FN1: variants seen among roughly 807,000 people sequenced by gnomAD.
The protein encoded by FN1 is fibronectin.
Under a neutral mutation model 297.3 loss-of-function variants are expected in FN1, and 106 were observed. The ratio of observed to expected loss-of-function variants is 0.36; its 90% CI spans 0.30 to 0.42. The LOEUF is 0.42. Ranked by LOEUF, FN1 falls within the 10% of genes least tolerant of loss-of-function variation. The probability of loss-of-function intolerance (pLI) is 1.00; values close to 1 mark genes in which losing one functional copy is unlikely to be tolerated. For missense variants in FN1, 2,690 were observed against 3,124.9 expected (o/e 0.86, Z 3.32); for synonymous variants, 1,149 against 1,152.6 (o/e 1.00, Z 0.06).
chr2:215,416,887 A>G (rs1337940238), intron 12 of FN1, among the ~76,000 whole-genome samples: 4 of 152,222 alleles, frequency 2.6e-5, no homozygotes, highest in African/African-American at 2.4e-5. Context: ...TTTTGCTTTC[A>G]TAAGATTTCG....
chr2:215,400,217 G>A (rs920121080), intron 20 of FN1, among the ~76,000 whole-genome samples: 4 of 151,858 alleles, frequency 2.6e-5, no homozygotes, highest in Non-Finnish European at 4.4e-5. Context: ...GCTTTACGCT[G>A]AATTATTCCA....
chr2:215,392,728 A>G (rs2059843362), intron 25 of FN1: 3 of 621,260 alleles, frequency 4.8e-6, no homozygotes, highest in Non-Finnish European at 8.7e-6. Context: ...GGTTTAAATG[A>G]GAGTGTACTG....
chr2:215,413,893 G>C (rs985317169), intron 13 of FN1, among the ~76,000 whole-genome samples: 1 of 152,136 alleles, frequency 6.6e-6, no homozygotes, highest in African/African-American at 2.4e-5. Context: ...TCAAAGATGC[G>C]TCTAGACGTG....
chr2:215,395,257 A>T (rs540389448), intron 23 of FN1, among the ~76,000 whole-genome samples: 60 of 152,300 alleles, frequency 3.9e-4, no homozygotes, highest in African/African-American at 1.4e-3. Flanking sequence ...AAGGTGAGAA[A>T]CAAAAGTGCT....
At chr2:215,419,551 C>A (rs1250644488) in intron 11 of FN1, among the ~76,000 whole-genome samples, 166 bp from the exon 12 acceptor site, 1 of 140,930 alleles carries the variant, frequency 7.1e-6, no homozygotes, top group Non-Finnish European at 1.5e-5. Flanking sequence ...CCTTACAGGA[C>A]AGTTTGTAGT....
intron 19 of FN1, among the ~76,000 whole-genome samples, chr2:215,405,130 T>C (rs1384803670): frequency 6.6e-6 from 1 of 152,212 alleles, no homozygotes; most frequent in Non-Finnish European, 1.5e-5. Flanking sequence ...TATTTTCACA[T>C]GGTTCAGATT....
intron 23 of FN1, 66 bp from the exon 24 acceptor site, chr2:215,394,785 A>C: frequency 8.0e-7 from 1 of 1,251,446 alleles, no homozygotes; most frequent in Non-Finnish European, 1.2e-6. Context: ...ATTTAACTAG[A>C]CTCCAATGAT....
intron 32 of FN1, 66 bp from the exon 33 acceptor site, chr2:215,381,146 C>T: frequency 6.6e-7 from 1 of 1,525,066 alleles, no homozygotes. Flanking sequence ...ATTTTTATAA[C>T]ATGCAAAGCA....
chr2:215,362,793 AG>A (rs1341406507), intron 44 of FN1: 7 of 152,750 alleles, frequency 4.6e-5, no homozygotes, highest in Admixed American at 2.0e-4. Context: ...TTAAGCTGGC[AG>A]GGGGTAAAGC....
rs1410855838 is a variant in FN1, at chr2:215,393,059, T to A, written c.3941A>T (p.Asp1314Val). The change falls in exon 25 of 46, where the codon GAT becomes GTT. Residue 1314 changes from aspartate to valine, a missense_variant. By Grantham distance (152) the Asp-to-Val change is radical (BLOSUM62 -3). Around this residue, in one of 3 missense-constraint regions of FN1, gnomAD observed 1,743 missense variants for 1,945.2 expected, o/e 0.90. Transcript: ENST00000354785. Reference sequence around the variant, plus strand: ...GTATCCTACTGAGGAGTCCACAAAATCTTCAAAAATAGGGATACCTTCTCC... The same window carrying A: ...GTATCCTACTGAGGAGTCCACAAAAACTTCAAAAATAGGGATACCTTCTCC... ...AAGEGIPIFEDFVDSSVGYYT... is the reference protein window; with the variant it reads ...AAGEGIPIFEVFVDSSVGYYT... The A allele has an allele frequency of 6.2e-7, 1 of 1,613,974 alleles. No individual in the cohort carries two copies. Among genetic ancestry groups the A allele is most frequent in the East Asian group, 2.2e-5 (1 of 44,872 alleles).
Position 215,362,057 on chromosome 2 carries a change from C to G in FN1, c.7274G>C (p.Arg2425Pro), listed in dbSNP as rs148505961. 1.2e-6 allele frequency: 2 copies of G among 1,613,842 alleles called. No individual in the cohort carries two copies. Among genetic ancestry groups the G allele is most frequent in the East Asian group, 4.5e-5 (2 of 44,868 alleles). ...GGGACTGGGTTCACCCCCAGGTCTG[C>G]GGCAGTTGTCACAGCGCCAGCCCTG... ...GQRGWRCDNC[R>P]RPGGEPSPEG... The change falls in exon 45 of 46, where the codon CGC becomes CCC. Residue 2425 changes from arginine to proline, a missense_variant. Transcript: ENST00000354785.
At chr2:215,367,799 A>T in intron 42 of FN1, 64 bp downstream of exon 42, 1 of 1,521,092 alleles carries the variant, frequency 6.6e-7, no homozygotes. Flanking sequence ...TCCTTGGCAC[A>T]TGAGTGCATG....
chr2:215,375,106 A>T, intron 38 of FN1, 108 bp downstream of exon 38: 1 of 1,116,954 alleles, frequency 9.0e-7, no homozygotes, highest in Non-Finnish European at 1.4e-6. Flanking sequence ...TCAGGAACAG[A>T]GTTTCGCATT....
chr2:215,407,946 C>A (rs539793723), intron 17 of FN1, among the ~76,000 whole-genome samples, 162 bp downstream of exon 17: 2 of 78,320 alleles, frequency 2.6e-5, no homozygotes, highest in Non-Finnish European at 5.9e-5. Flanking sequence ...ATAACTCCCC[C>A]ACCCCCGCCA....
At position 215,399,343 on chromosome 2, in the gene FN1, C is replaced by T. The variant is rs777520998; in HGVS notation, c.3262G>A (p.Gly1088Arg). Reference sequence around the variant, plus strand: ...GTGTTGTAAGGTGGAATAGAGCTCCCAGGCTGCACTGTGAGAGAGAATCAA... The same window carrying T: ...GTGTTGTAAGGTGGAATAGAGCTCCTAGGCTGCACTGTGAGAGAGAATCAA... ...ATGVFTTLQP[G>R]SSIPPYNTEV... Residue 1088 changes from glycine (G) to arginine (R), a missense_variant, in exon 21 of 46, where the codon GGG becomes AGG. By Grantham distance (125) the Gly-to-Arg change is moderately radical. This residue lies in a region of FN1 where 1,743 missense variants were observed against 1,945.2 expected (regional missense o/e 0.90). Transcript: ENST00000354785. 5.0e-6 allele frequency: 8 copies of T among 1,611,794 alleles called. No homozygotes were observed. The South Asian group carries it at 7.7e-5, about 15-fold the overall frequency.
intron 27 of FN1, among the ~76,000 whole-genome samples, chr2:215,387,882 G>A (rs1373572937): frequency 5.3e-5 from 8 of 152,164 alleles, no homozygotes; most frequent in Non-Finnish European, 1.0e-4. Flanking sequence ...ACAAATAGAT[G>A]ACAATGAGTG....
intron 28 of FN1, among the ~76,000 whole-genome samples, chr2:215,385,713 C>T (rs552974938): frequency 2.0e-5 from 3 of 151,502 alleles, no homozygotes; most frequent in African/African-American, 7.3e-5. Flanking sequence ...CTGCTAAGAA[C>T]AATGACACTA....
At chr2:215,392,718 G>C (rs2059842710) in intron 25 of FN1, 3 of 597,626 alleles carry the variant, frequency 5.0e-6, no homozygotes, top group South Asian at 3.9e-5. Flanking sequence ...ATCTACTTGT[G>C]GTTTAAATGA....
intron 12 of FN1, 62 bp downstream of exon 12, chr2:215,419,180 T>C (rs374534359): frequency 2.0e-6 from 3 of 1,465,548 alleles, no homozygotes; most frequent in African/African-American, 2.8e-5. Context: ...GCATTAATAA[T>C]CACTGCCCTG....
Sources: allele counts gnomAD v4.1 joint callset (sites outside exome capture counted in the v4.1 genomes callset), GRCh38; gene constraint gnomAD v4.1.1; regional missense constraint gnomAD v4.1.1; transcripts MANE v1.5; gene names NCBI Gene and HGNC (gene_info 2026-07-23, HGNC 2026-07-21).